Variants in B4GALT5 observed in about 807,000 individuals in gnomAD.
B4GALT5 encodes beta-1,4-galactosyltransferase 5, also known as UDP-Gal:beta-GlcNAc beta-1,4-galactosyltransferase 5.
Under a neutral mutation model 45.0 loss-of-function variants are expected in B4GALT5, and 11 were observed. That is an observed-to-expected ratio of 0.24 (90% CI 0.15 to 0.40). The LOEUF (loss-of-function observed/expected upper bound fraction) is 0.40. B4GALT5 is among the 10% of genes least tolerant of loss of function. The probability of loss-of-function intolerance (pLI) is 1.00; values close to 1 mark genes in which losing one functional copy is unlikely to be tolerated. For missense variants in B4GALT5, 337 were observed against 500.2 expected, an observed-to-expected ratio of 0.67 and a Z score of 3.11; for synonymous variants, 185 against 182.9, an observed-to-expected ratio of 1.01 and a Z score of -0.09.
chr20:49,698,157 A>G (rs2085847000), intron 1 of B4GALT5, among the ~76,000 whole-genome samples: 1 of 152,062 alleles, frequency 6.6e-6, no homozygotes, highest in Non-Finnish European at 1.5e-5. Flanking sequence ...CCCCATCTCT[A>G]GTAAAAACTA....
rs1233820656 is a variant in B4GALT5, at chr20:49,712,840, G to GC, written c.115+735_115+736insG. Among the ~76,000 whole-genome samples the GC allele has an allele frequency of 2.1e-5, 3 of 144,708 alleles. 1 individual carries two copies. Among genetic ancestry groups the GC allele is most frequent in the Non-Finnish European group, 3.0e-5 (2 of 66,822 alleles). The allele number at this position is 144,708 out of a possible 152,430, so 94.9% of individuals were successfully genotyped here. A position where few individuals can be genotyped will look rare whatever the true frequency, so the allele number is the denominator to read the frequency against. The stretch of plus-strand genomic sequence containing the variant: ...GTGCCCTTGTGGGTACGCGAGGTGG[G>GC]GGGGGGGGAGATGGGGAAGAGGCAT... On this transcript the variant is annotated intron_variant, in intron 1 of 8. Coordinates refer to ENST00000371711, the MANE Select transcript of B4GALT5 (RefSeq NM_004776.4).
intron 1 of B4GALT5, among the ~76,000 whole-genome samples, chr20:49,700,057 G>A (rs2085855472): frequency 2.6e-5 from 4 of 152,114 alleles, no homozygotes; most frequent in Admixed American, 2.6e-4. Flanking sequence ...TCAAAAGAAT[G>A]TAACCATTTG....
intron 1 of B4GALT5, among the ~76,000 whole-genome samples, chr20:49,679,857 A>G (rs899331164): frequency 1.3e-5 from 2 of 152,204 alleles, no homozygotes; most frequent in Non-Finnish European, 2.9e-5. Flanking sequence ...CAAATATTTA[A>G]TAACTGATTT....
At chr20:49,650,017 T>G (rs1458762774) in intron 2 of B4GALT5, among the ~76,000 whole-genome samples, 1 of 152,138 alleles carries the variant, frequency 6.6e-6, no homozygotes, top group African/African-American at 2.4e-5. Flanking sequence ...GCCCTAGAGC[T>G]AGAACCTAAT....
intron 8 of B4GALT5, among the ~76,000 whole-genome samples, chr20:49,636,931 C>CACACACACACACAA (rs1239190716): frequency 6.6e-6 from 1 of 151,846 alleles, no homozygotes; most frequent in South Asian, 2.1e-4. Context: ...CACACACACA[C>CACACACACACACAA]ACACAAAGAA....
intron 1 of B4GALT5, among the ~76,000 whole-genome samples, chr20:49,700,551 C>T (rs191380810): frequency 4.3e-4 from 65 of 151,994 alleles, no homozygotes; most frequent in Admixed American, 1.8e-3. Flanking sequence ...CCTCCAGCCT[C>T]GGCCTCCCAA....
intron 1 of B4GALT5, among the ~76,000 whole-genome samples, chr20:49,663,698 CATATATATATATATAT>C (rs71186468): frequency 1.3e-5 from 1 of 78,588 alleles, no homozygotes; most frequent in Non-Finnish European, 2.2e-5. Flanking sequence ...AAAATATATA[CATATATATATATATAT>C]ATATATATAT....
intron 1 of B4GALT5, among the ~76,000 whole-genome samples, chr20:49,691,766 G>A (rs1349905602): frequency 6.6e-6 from 1 of 152,064 alleles, no homozygotes; most frequent in Non-Finnish European, 1.5e-5. Flanking sequence ...TTATCTTTGG[G>A]TTATGAGGTT....
Position 49,676,862 on chromosome 20 carries a change from G to A in B4GALT5, c.116-20160C>T, listed in dbSNP as rs562993141. On this transcript the variant is annotated intron_variant, in intron 1 of 8. Coordinates refer to ENST00000371711, the MANE Select transcript of B4GALT5 (RefSeq NM_004776.4). Reference sequence around the variant, plus strand: ...ACATCCTCTGTGTCTAAGATGACTAGCACTGCTGTTTTTTGATGAGTCATC... The same window carrying A: ...ACATCCTCTGTGTCTAAGATGACTAACACTGCTGTTTTTTGATGAGTCATC... 3.3e-5 allele frequency among the ~76,000 whole-genome samples: 5 copies of A among 152,340 alleles called. 1 individual carries two copies. The highest frequency in any genetic ancestry group is 1.2e-4 in the African/African-American group (5 of 41,574).
intron 8 of B4GALT5, 38 bp downstream of exon 8, chr20:49,637,303 G>C: frequency 6.5e-7 from 1 of 1,535,270 alleles, no homozygotes; most frequent in Non-Finnish European, 9.0e-7. Context: ...TGAAAGTATA[G>C]GGGATACTTC....
chr20:49,663,690 A>AATATATAT (rs1219181634), intron 1 of B4GALT5, among the ~76,000 whole-genome samples: 15 of 96,946 alleles, frequency 1.5e-4, no homozygotes, highest in African/African-American at 6.2e-4. Context: ...AAAAAAAAAA[A>AATATATAT]ATATATACAT....
intron 2 of B4GALT5, among the ~76,000 whole-genome samples, chr20:49,654,832 TA>T: frequency 6.6e-6 from 1 of 152,214 alleles, no homozygotes; most frequent in East Asian, 1.9e-4. Context: ...GGAGGCTGGG[TA>T]TGGTGGCTCA....
At chr20:49,688,080 A>G (rs2085794240) in intron 1 of B4GALT5, among the ~76,000 whole-genome samples, 1 of 152,152 alleles carries the variant, frequency 6.6e-6, no homozygotes, top group Non-Finnish European at 1.5e-5. Flanking sequence ...GCCTGGGAAC[A>G]TGACCAGAGC....
At chr20:49,697,949 C>A (rs1043252826) in intron 1 of B4GALT5, among the ~76,000 whole-genome samples, 15 of 152,158 alleles carry the variant, frequency 9.9e-5, no homozygotes, top group Admixed American at 6.5e-5. Flanking sequence ...AAATAAACTG[C>A]CCCTGCTTTT....
At chr20:49,652,850 T>C (rs988612177) in intron 2 of B4GALT5, among the ~76,000 whole-genome samples, 2 of 152,196 alleles carry the variant, frequency 1.3e-5, no homozygotes, top group African/African-American at 4.8e-5. Flanking sequence ...TCAGCATTAT[T>C]TCAGCAGAGG....
chr20:49,683,648 T>G (rs2085773395), intron 1 of B4GALT5, among the ~76,000 whole-genome samples: 1 of 151,802 alleles, frequency 6.6e-6, no homozygotes, highest in Non-Finnish European at 1.5e-5. Context: ...CAACCTCAGA[T>G]GATTTGCCCA....
chr20:49,683,438 G>A (rs568196570), intron 1 of B4GALT5, among the ~76,000 whole-genome samples: 7 of 139,578 alleles, frequency 5.0e-5, no homozygotes, highest in Middle Eastern at 4.4e-3. Flanking sequence ...CTGTTGCCCA[G>A]GCTGGAGTGC....
chr20:49,646,975 G>A lies in B4GALT5; in HGVS notation c.354C>T (p.Leu118=), dbSNP rs1300519720. 1.2e-6 allele frequency: 2 copies of A among 1,609,624 alleles called. No homozygotes were observed. Among genetic ancestry groups the A allele is most frequent in the African/African-American group, 2.7e-5 (2 of 74,814 alleles). ...CAGAGCTGTACTCACTCATGGAAGG[G>A]AGTCTTTCAGGGCAGGTATGGTTTG... ...YFANHTCPER[L]PSMKGPIDIN... is the part of the protein sequence containing the mutation. Residue 118 remains leucine, a synonymous_variant, in exon 3 of 9, where the codon CTC becomes CTT. Transcript: ENST00000371711.
chr20:49,658,246 T>C (rs774516273), intron 1 of B4GALT5, among the ~76,000 whole-genome samples: 1 of 152,166 alleles, frequency 6.6e-6, no homozygotes, highest in Non-Finnish European at 1.5e-5. Flanking sequence ...GTGTGAAGTC[T>C]CTGAAAGCAG....
Sources: gnomAD v4.1 joint callset for allele counts (sites outside exome capture counted in the v4.1 genomes callset) on GRCh38, gnomAD v4.1.1 for gene constraint, MANE v1.5 for transcripts, NCBI Gene and HGNC (gene_info 2026-07-23, HGNC 2026-07-21) for gene names.